The following FGF1 variants were observed in gnomAD, a reference collection of about 807,000 sequenced individuals.
FGF1 encodes beta-endothelial cell growth factor.
FGF1 carries 9 observed loss-of-function variants against 13.4 expected under a neutral mutation model. The ratio of observed to expected loss-of-function variants is 0.67; its 90% CI spans 0.40 to 1.17. The LOEUF (loss-of-function observed/expected upper bound fraction) is 1.17, where lower values mean the gene tolerates loss of function less well. Among genes scored for constraint, FGF1 ranks in the 50% most tolerant of loss-of-function variants. FGF1 has a pLI of 0.01. For missense variants in FGF1, 156 were observed against 192.7 expected (o/e 0.81, Z 1.13); for synonymous variants, 93 against 79.0 (o/e 1.18, Z -0.94).
chr5:142,629,271 T>C (rs1762945335), intron 1 of FGF1, among the ~76,000 whole-genome samples: 1 of 152,190 alleles, frequency 6.6e-6, no homozygotes, highest in African/African-American at 2.4e-5. Flanking sequence ...TCCTCTTGCC[T>C]CAGCCTCCTG....
intron 2 of FGF1, among the ~76,000 whole-genome samples, chr5:142,694,162 T>C (rs1474354800): frequency 6.6e-6 from 1 of 151,838 alleles, no homozygotes; most frequent in Non-Finnish European, 1.5e-5. Flanking sequence ...TCTGTATATA[T>C]GTATTCCCCC....
At chr5:142,626,121 T>C (rs193018497) in intron 1 of FGF1, among the ~76,000 whole-genome samples, 1 of 152,348 alleles carries the variant, frequency 6.6e-6, no homozygotes, top group Non-Finnish European at 1.5e-5. Flanking sequence ...GCACATTACA[T>C]TAATTAATCC....
intron 1 of FGF1, among the ~76,000 whole-genome samples, chr5:142,650,138 C>G (rs936880097): frequency 1.3e-5 from 2 of 152,126 alleles, no homozygotes; most frequent in African/African-American, 4.8e-5. Context: ...ACTGGATAGA[C>G]AGATGTTTCC....
intron 1 of FGF1, among the ~76,000 whole-genome samples, chr5:142,677,519 GAC>G (rs1561741676): frequency 5.9e-5 from 9 of 152,238 alleles, no homozygotes. Context: ...CAGAGCAGCT[GAC>G]ACATAGCATA....
chr5:142,599,822 T>A (rs1034872767), intron 3 of FGF1, among the ~76,000 whole-genome samples: 3 of 151,178 alleles, frequency 2.0e-5, no homozygotes, highest in African/African-American at 7.4e-5. Flanking sequence ...GAAGAAACAA[T>A]TAGACTATGC....
chr5:142,633,024 A>G (rs1763615259), intron 1 of FGF1, among the ~76,000 whole-genome samples: 2 of 151,308 alleles, frequency 1.3e-5, no homozygotes, highest in Admixed American at 1.3e-4. Context: ...AATTCAAGTA[A>G]TTCTCCTGCC....
At chr5:142,672,754 C>T (rs960552396) in intron 1 of FGF1, among the ~76,000 whole-genome samples, 13 of 152,270 alleles carry the variant, frequency 8.5e-5, no homozygotes, top group Middle Eastern at 3.4e-3. Context: ...GTCTTCCTGC[C>T]TCGGCCTCCC....
chr5:142,629,853 TATG>T (rs1313190668), intron 1 of FGF1, among the ~76,000 whole-genome samples: 10 of 147,034 alleles, frequency 6.8e-5, no homozygotes, highest in Admixed American at 6.9e-5. Context: ...TGCATTAAAA[TATG>T]ATATTATATA....
chr5:142,684,404 T>C (rs1380100105), intron 1 of FGF1, among the ~76,000 whole-genome samples: 1 of 152,226 alleles, frequency 6.6e-6, no homozygotes, highest in East Asian at 1.9e-4. Context: ...TAAAAGAAAC[T>C]CATTGTGTTT....
At chr5:142,646,064 A>G (rs1257931367) in intron 1 of FGF1, among the ~76,000 whole-genome samples, 3 of 151,744 alleles carry the variant, frequency 2.0e-5, no homozygotes, top group East Asian at 1.9e-4. Flanking sequence ...GCCTGCCACC[A>G]CACCCGGCTA....
chr5:142,659,128 CT>C (rs1252999185), intron 1 of FGF1, among the ~76,000 whole-genome samples: 4 of 151,540 alleles, frequency 2.6e-5, no homozygotes, highest in Admixed American at 1.3e-4. Context: ...GGTCGCCATC[CT>C]TGTTATAGTG....
In FGF1 at chr5:142,637,684, A is replaced by G. The variant is rs544747030; in HGVS notation, c.-34-23523T>C. 1.2e-4 allele frequency among the ~76,000 whole-genome samples: 18 copies of G among 152,184 alleles called. 1 individual carries two copies. The highest frequency in any genetic ancestry group is 3.1e-4 in the African/African-American group (13 of 41,426). ...AGAGCTCCCTCATTGCCTGCCATGC[A>G]GCCTGGGCATCCAGGACTGTCGTCC... On this transcript the variant is annotated intron_variant, in intron 1 of 3. Coordinates refer to ENST00000337706, the MANE Select transcript of FGF1 (RefSeq NM_000800.5).
intron 2 of FGF1, among the ~76,000 whole-genome samples, chr5:142,601,804 C>T (rs1468096669): frequency 6.6e-6 from 1 of 152,212 alleles, no homozygotes; most frequent in African/African-American, 2.4e-5. Flanking sequence ...CTCATTCACA[C>T]TGATTGACAC....
chr5:142,696,714 C>A (rs1753164572), intron 2 of FGF1, among the ~76,000 whole-genome samples: 1 of 152,166 alleles, frequency 6.6e-6, no homozygotes, highest in African/African-American at 2.4e-5. Context: ...CTTTTTCAGG[C>A]ACATGAGTTA....
intron 1 of FGF1, among the ~76,000 whole-genome samples, chr5:142,642,741 T>C (rs1330586228): frequency 1.3e-5 from 2 of 152,180 alleles, no homozygotes; most frequent in Non-Finnish European, 2.9e-5. Flanking sequence ...CAAAGAGCTG[T>C]GTGTGTTGGA....
chr5:142,666,597 G>T (rs997657889), intron 1 of FGF1, among the ~76,000 whole-genome samples: 2 of 152,158 alleles, frequency 1.3e-5, no homozygotes, highest in African/African-American at 4.8e-5. Flanking sequence ...GGCATATAAA[G>T]ATGTCTACAT....
intron 1 of FGF1, among the ~76,000 whole-genome samples, chr5:142,648,486 A>G (rs1766595168): frequency 6.6e-6 from 1 of 150,786 alleles, no homozygotes; most frequent in African/African-American, 2.4e-5. Context: ...GGAGGGGATC[A>G]TCACACACTG....
intron 1 of FGF1, among the ~76,000 whole-genome samples, chr5:142,638,696 A>G (rs62382137): frequency 0.13 from 19,487 of 152,084 alleles, 1,556 homozygotes; most frequent in Non-Finnish European, 0.16. Flanking sequence ...AATTGCATCA[A>G]ACTAAAACGT....
intron 3 of FGF1, among the ~76,000 whole-genome samples, chr5:142,599,944 T>C (rs55788546): frequency 0.032 from 4,887 of 152,350 alleles, 109 homozygotes; most frequent in Non-Finnish European, 0.049. Flanking sequence ...TCTATCCTTT[T>C]AGGTGATCCT....
Sources: gnomAD v4.1 joint callset for allele counts (sites outside exome capture counted in the v4.1 genomes callset) on GRCh38, gnomAD v4.1.1 for gene constraint, MANE v1.5 for transcripts, NCBI Gene and HGNC (gene_info 2026-07-23, HGNC 2026-07-21) for gene names.